The following STARD13 variants were observed in gnomAD, a reference collection of about 807,000 sequenced individuals.
STARD13 encodes stAR-related lipid transfer protein 13.
In STARD13, 62 loss-of-function variants were observed where a neutral mutation model predicts 106.4. That is an observed-to-expected ratio of 0.58 (90% CI 0.48 to 0.72). The LOEUF (loss-of-function observed/expected upper bound fraction) is 0.72, where lower values mean the gene tolerates loss of function less well. Among genes scored for constraint, STARD13 ranks in the 30% least tolerant of loss-of-function variants. STARD13 has a pLI of 0.00. For synonymous variants in STARD13, 565 were observed against 553.0 expected (o/e 1.02, Z -0.31); for missense variants, 1,387 against 1,424.0 (o/e 0.97, Z 0.42).
chr13:33,285,380 G>GAAAC, intron 1 of STARD13, 90 bp downstream of exon 1: 1 of 1,373,040 alleles, frequency 7.3e-7, no homozygotes, highest in Non-Finnish European at 1.0e-6. Context: ...TTATAAAGTG[G>GAAAC]AAACAAACAA....
intron 1 of STARD13, among the ~76,000 whole-genome samples, chr13:33,258,798 A>G (rs1482710393): frequency 6.6e-6 from 1 of 152,228 alleles, no homozygotes; most frequent in African/African-American, 2.4e-5. Context: ...GCTTCCATAC[A>G]GAAAACAAGG....
the STARD13 span, among the ~76,000 whole-genome samples, chr13:33,487,707 G>A: frequency 6.6e-6 from 1 of 152,082 alleles, no homozygotes; most frequent in African/African-American, 2.4e-5. Context: ...CTTAATACAC[G>A]AGATTTTTCT....
intron 4 of STARD13, among the ~76,000 whole-genome samples, chr13:33,132,418 T>G (rs1385604755): frequency 6.6e-6 from 1 of 152,228 alleles, no homozygotes; most frequent in Non-Finnish European, 1.5e-5. Flanking sequence ...CTTGGCTCTC[T>G]TTCTCTCTTG....
At chr13:33,140,853 G>C (rs1041454679) in intron 4 of STARD13, among the ~76,000 whole-genome samples, 1 of 151,532 alleles carries the variant, frequency 6.6e-6, no homozygotes, top group Non-Finnish European at 1.5e-5. Flanking sequence ...CCGCCTCCCG[G>C]GTTCAAGTGA....
chr13:33,341,570 G>A (rs1389078567), intron 1 of STARD13, among the ~76,000 whole-genome samples: 6 of 145,402 alleles, frequency 4.1e-5, no homozygotes, highest in Admixed American at 7.0e-5. Context: ...CAGCCTGGGC[G>A]ACAGAGCGAG....
the STARD13 span, among the ~76,000 whole-genome samples, chr13:33,601,516 T>A: frequency 6.6e-6 from 1 of 152,116 alleles, no homozygotes; most frequent in Admixed American, 6.6e-5. Context: ...GCAGAGCAAT[T>A]CTACTTTGAT....
At chr13:33,261,457 C>A (rs1226977885) in intron 1 of STARD13, among the ~76,000 whole-genome samples, 2 of 152,196 alleles carry the variant, frequency 1.3e-5, no homozygotes, top group African/African-American at 4.8e-5. Context: ...AATGCAGTGG[C>A]ACCCACTCAT....
chr13:33,141,743 C>A (rs781273806), intron 4 of STARD13, among the ~76,000 whole-genome samples: 1 of 152,040 alleles, frequency 6.6e-6, no homozygotes, highest in Non-Finnish European at 1.5e-5. Context: ...TCGCCATGGA[C>A]CCCCAGATCC....
At chr13:33,499,495 CCTT>C in the STARD13 span, among the ~76,000 whole-genome samples, 2,621 of 73,216 alleles carry the variant, frequency 0.036, 207 homozygotes, top group East Asian at 0.089. Flanking sequence ...AGTCTTTTCT[CCTT>C]CTTCTTCTTC....
At chr13:33,428,161 T>A in the STARD13 span, among the ~76,000 whole-genome samples, 211 of 152,272 alleles carry the variant, frequency 1.4e-3, no homozygotes, top group African/African-American at 4.7e-3. Flanking sequence ...GCTATCATTA[T>A]ATACACAAAA....
At chr13:33,123,821 G>A (rs1224027432) in intron 7 of STARD13, among the ~76,000 whole-genome samples, 1 of 152,210 alleles carries the variant, frequency 6.6e-6, no homozygotes, top group African/African-American at 2.4e-5. Context: ...GTTTAGCACG[G>A]GGAGAAGGGC....
chr13:33,213,244 C>G (rs1381776437), intron 1 of STARD13, among the ~76,000 whole-genome samples: 1 of 152,012 alleles, frequency 6.6e-6, no homozygotes, highest in African/African-American at 2.4e-5. Context: ...TATAGGATTT[C>G]TATGTCAATA....
chr13:33,142,512 G>A, intron 3 of STARD13, 139 bp from the exon 4 acceptor site: 1 of 731,906 alleles, frequency 1.4e-6, no homozygotes. Context: ...TGCACCCACA[G>A]AAGGTATGCT....
the STARD13 span, among the ~76,000 whole-genome samples, chr13:33,659,224 T>TC: frequency 0.013 from 547 of 43,400 alleles, 1 homozygote; most frequent in Non-Finnish European, 0.036. Flanking sequence ...TTTTTTCTTT[T>TC]TTTTTTTTTT....
At chr13:33,138,849 G>T (rs747327480) in intron 4 of STARD13, 6 of 479,334 alleles carry the variant, frequency 1.3e-5, no homozygotes, top group African/African-American at 5.8e-5. Flanking sequence ...ATCCTTAAAG[G>T]GTCCCTTTTC....
intron 1 of STARD13, among the ~76,000 whole-genome samples, chr13:33,330,300 G>A (rs1296627308): frequency 3.3e-5 from 5 of 152,208 alleles, no homozygotes; most frequent in African/African-American, 4.8e-5. Context: ...AAGGTATGAA[G>A]TGATATCTCA....
At chr13:33,492,603 A>G in the STARD13 span, among the ~76,000 whole-genome samples, 3 of 152,226 alleles carry the variant, frequency 2.0e-5, no homozygotes, top group Non-Finnish European at 2.9e-5. Context: ...CTACACTTCC[A>G]TCAGGGCCAT....
intron 1 of STARD13, among the ~76,000 whole-genome samples, chr13:33,321,281 G>A (rs1893549869): frequency 6.6e-6 from 1 of 152,106 alleles, no homozygotes; most frequent in African/African-American, 2.4e-5. Flanking sequence ...CAAGGCCGGT[G>A]GATCACCTGA....
At chr13:33,574,843 C>T in the STARD13 span, among the ~76,000 whole-genome samples, 1 of 150,866 alleles carries the variant, frequency 6.6e-6, no homozygotes, top group Non-Finnish European at 1.5e-5. Context: ...GGGATGCAGA[C>T]TTAAATAGCA....
Sources: allele counts gnomAD v4.1 joint callset (sites outside exome capture counted in the v4.1 genomes callset), GRCh38; gene constraint gnomAD v4.1.1; transcripts MANE v1.5; gene names NCBI Gene and HGNC (gene_info 2026-07-23, HGNC 2026-07-21).